The following ERC2 variants were observed in gnomAD, a reference collection of about 807,000 sequenced individuals.
ERC2 encodes the protein ERC protein 2.
Under a neutral mutation model 114.8 loss-of-function variants are expected in ERC2, and 42 were observed. The ratio of observed to expected loss-of-function variants is 0.37; its 90% confidence interval spans 0.29 to 0.47. The LOEUF is 0.47. ERC2 is among the 20% of genes least tolerant of loss of function. The pLI, the probability that ERC2 is intolerant of heterozygous loss-of-function variation, is 0.99. For missense variants in ERC2, 939 were observed against 1,150.7 expected, an observed-to-expected ratio of 0.82 and a Z score of 2.66; for synonymous variants, 454 against 425.5, an observed-to-expected ratio of 1.07 and a Z score of -0.82.
At chr3:56,279,060 C>A (rs1019771128) in intron 3 of ERC2, among the ~76,000 whole-genome samples, 3 of 152,160 alleles carry the variant, frequency 2.0e-5, no homozygotes, top group African/African-American at 7.2e-5. Flanking sequence ...GAGAGGAACA[C>A]TGAGGAAAGC....
At chr3:56,218,324 GT>G (rs1181742220) in intron 3 of ERC2, among the ~76,000 whole-genome samples, 1 of 152,192 alleles carries the variant, frequency 6.6e-6, no homozygotes, top group African/African-American at 2.4e-5. Context: ...CAACAAGTGG[GT>G]GAAGGACATG....
At chr3:55,542,793 C>T (rs1019083005) in intron 17 of ERC2, among the ~76,000 whole-genome samples, 5 of 152,192 alleles carry the variant, frequency 3.3e-5, no homozygotes, top group African/African-American at 7.2e-5. Context: ...AGACTAGTTA[C>T]CTCTTGACTA....
intron 14 of ERC2, among the ~76,000 whole-genome samples, chr3:55,753,630 C>T (rs1471439089): frequency 6.6e-6 from 1 of 152,200 alleles, no homozygotes; most frequent in Non-Finnish European, 1.5e-5. Context: ...GGTGTAAAAT[C>T]ACCAGTCCGA....
At chr3:55,964,816 T>C (rs1408793548) in intron 12 of ERC2, among the ~76,000 whole-genome samples, 1 of 152,192 alleles carries the variant, frequency 6.6e-6, no homozygotes, top group Non-Finnish European at 1.5e-5. Context: ...GTTGGCAGGA[T>C]TCCTTTCCTT....
At chr3:55,969,798 T>A (rs1247184036) in intron 12 of ERC2, among the ~76,000 whole-genome samples, 1 of 152,248 alleles carries the variant, frequency 6.6e-6, no homozygotes, top group East Asian at 1.9e-4. Context: ...TAAGAATATT[T>A]ATTAGCTTGG....
intron 17 of ERC2, among the ~76,000 whole-genome samples, chr3:55,634,040 A>G (rs548811215): frequency 2.0e-5 from 3 of 152,342 alleles, no homozygotes. Context: ...TCAGTTTGTC[A>G]GCACATATCA....
At chr3:56,450,838 AT>A (rs1435447770) in intron 1 of ERC2, among the ~76,000 whole-genome samples, 1 of 152,234 alleles carries the variant, frequency 6.6e-6, no homozygotes, top group African/African-American at 2.4e-5. Context: ...CTCTAAAAAA[AT>A]AAATAAATTT....
At chr3:55,696,553 T>C (rs1000133696) in intron 16 of ERC2, among the ~76,000 whole-genome samples, 1 of 152,244 alleles carries the variant, frequency 6.6e-6, no homozygotes, top group Non-Finnish European at 1.5e-5. Context: ...AGAAGAAACA[T>C]ATACTCATAT....
intron 2 of ERC2, among the ~76,000 whole-genome samples, chr3:56,412,515 G>A (rs2060980165): frequency 1.3e-5 from 2 of 152,218 alleles, no homozygotes; most frequent in African/African-American, 4.8e-5. Context: ...GTTTGTGGCA[G>A]AGCCAAGCCA....
chr3:55,963,054 C>T (rs924241197), intron 12 of ERC2, among the ~76,000 whole-genome samples: 1 of 152,196 alleles, frequency 6.6e-6, no homozygotes, highest in Non-Finnish European at 1.5e-5. Flanking sequence ...TAGCTTTCCA[C>T]CAGAAGAGCT....
intron 6 of ERC2, among the ~76,000 whole-genome samples, chr3:56,124,306 CA>C (rs1418292177): frequency 2.6e-5 from 4 of 152,068 alleles, no homozygotes; most frequent in Non-Finnish European, 4.4e-5. Flanking sequence ...ATCAGTTTGC[CA>C]GTAAAAATAA....
At chr3:56,359,482 A>G (rs2058865331) in intron 2 of ERC2, among the ~76,000 whole-genome samples, 1 of 152,256 alleles carries the variant, frequency 6.6e-6, no homozygotes, top group Non-Finnish European at 1.5e-5. Flanking sequence ...TTAACTGCTC[A>G]ATGTTGTTGT....
intron 2 of ERC2, among the ~76,000 whole-genome samples, chr3:56,335,118 C>T (rs1308081835): frequency 6.6e-6 from 1 of 152,144 alleles, no homozygotes; most frequent in Non-Finnish European, 1.5e-5. Context: ...AATGCTATTT[C>T]TAATGGGCAT....
chr3:56,366,614 G>A (rs2059159884), intron 2 of ERC2, among the ~76,000 whole-genome samples: 1 of 152,096 alleles, frequency 6.6e-6, no homozygotes, highest in African/African-American at 2.4e-5. Flanking sequence ...TTTGTTATTG[G>A]CTCCCATTTG....
chr3:55,883,843 G>T (rs1016093185), intron 14 of ERC2, among the ~76,000 whole-genome samples: 12 of 151,898 alleles, frequency 7.9e-5, no homozygotes, highest in Non-Finnish European at 1.8e-4. Context: ...AGCCAAGATT[G>T]CACCACTGCA....
At chr3:56,223,267 T>C (rs2050034784) in intron 3 of ERC2, among the ~76,000 whole-genome samples, 1 of 152,222 alleles carries the variant, frequency 6.6e-6, no homozygotes. Context: ...ATGATCCCAC[T>C]GGAGGAGATT....
At chr3:56,165,029 A>T (rs1452214) in intron 4 of ERC2, among the ~76,000 whole-genome samples, 124,003 of 151,848 alleles carry the variant, frequency 0.82, 51,882 homozygotes, top group South Asian at 0.93. Flanking sequence ...CAAATCATAG[A>T]CTTTCAAAAT....
chr3:56,357,752 G>A (rs2058798886), intron 2 of ERC2, among the ~76,000 whole-genome samples: 2 of 148,858 alleles, frequency 1.3e-5, no homozygotes, highest in Non-Finnish European at 3.0e-5. Flanking sequence ...AAACTTTAAT[G>A]AGCCATTACA....
intron 2 of ERC2, among the ~76,000 whole-genome samples, chr3:56,430,043 A>T (rs1241637300): frequency 6.6e-6 from 1 of 152,212 alleles, no homozygotes; most frequent in Non-Finnish European, 1.5e-5. Flanking sequence ...TGAACTTCCT[A>T]TACAAGAGCA....
Sources: allele counts gnomAD v4.1 joint callset (sites outside exome capture counted in the v4.1 genomes callset), GRCh38; gene constraint gnomAD v4.1.1; transcripts MANE v1.5; gene names NCBI Gene and HGNC (gene_info 2026-07-23, HGNC 2026-07-21).